POFUT3: variants seen among roughly 807,000 people sequenced by gnomAD.
The protein encoded by POFUT3 is GDP-fucose protein O-fucosyltransferase 3.
At chr8:33,441,622 C>A in the POFUT3 span, among the ~76,000 whole-genome samples, 2 of 152,220 alleles carry the variant, frequency 1.3e-5, no homozygotes, top group African/African-American at 4.8e-5. Flanking sequence ...CTCAACCGAT[C>A]TGCCCTCCTC....
chr8:33,421,104 AATT>A, the POFUT3 span, among the ~76,000 whole-genome samples: 2 of 152,038 alleles, frequency 1.3e-5, no homozygotes, highest in African/African-American at 4.8e-5. Context: ...ATTTTTATCA[AATT>A]ATTACTTTGA....
At chr8:33,440,025 C>T in the POFUT3 span, among the ~76,000 whole-genome samples, 1 of 151,972 alleles carries the variant, frequency 6.6e-6, no homozygotes, top group Admixed American at 6.6e-5. Context: ...GTCTCTGCCT[C>T]AAATGTTAGG....
At chr8:33,359,497 C>T in the POFUT3 span, among the ~76,000 whole-genome samples, 5 of 152,082 alleles carry the variant, frequency 3.3e-5, no homozygotes, top group Admixed American at 2.6e-4. Flanking sequence ...CCTTAAATCA[C>T]CATATGTAAA....
the POFUT3 span, among the ~76,000 whole-genome samples, chr8:33,331,548 G>C: frequency 6.6e-6 from 1 of 152,126 alleles, no homozygotes; most frequent in Non-Finnish European, 1.5e-5. Flanking sequence ...ATTACCGGGG[G>C]CAGTGGCTCA....
chr8:33,359,817 C>A, the POFUT3 span, among the ~76,000 whole-genome samples: 1 of 151,836 alleles, frequency 6.6e-6, no homozygotes, highest in Non-Finnish European at 1.5e-5. Context: ...ACCAGCCTGG[C>A]CAACATGGTG....
chr8:33,329,523 T>C, the POFUT3 span, among the ~76,000 whole-genome samples: 1 of 152,204 alleles, frequency 6.6e-6, no homozygotes, highest in Admixed American at 6.5e-5. Context: ...CCCATAACTA[T>C]TACCTCTATG....
the POFUT3 span, among the ~76,000 whole-genome samples, chr8:33,325,634 T>G: frequency 6.6e-6 from 1 of 152,166 alleles, no homozygotes; most frequent in Non-Finnish European, 1.5e-5. Context: ...GCAGATTCAG[T>G]CAATATCTAG....
At chr8:33,358,228 G>A in the POFUT3 span, among the ~76,000 whole-genome samples, 10 of 152,086 alleles carry the variant, frequency 6.6e-5, no homozygotes, top group African/African-American at 2.4e-4. Flanking sequence ...ACTCCAGCCT[G>A]GGCAACAGAG....
the POFUT3 span, among the ~76,000 whole-genome samples, chr8:33,413,312 G>A: frequency 6.6e-6 from 1 of 151,966 alleles, no homozygotes; most frequent in Non-Finnish European, 1.5e-5. Flanking sequence ...CTAACAAGAG[G>A]AAGAGACTAG....
At chr8:33,315,747 G>C in the POFUT3 span, among the ~76,000 whole-genome samples, 1 of 152,094 alleles carries the variant, frequency 6.6e-6, no homozygotes, top group Non-Finnish European at 1.5e-5. Context: ...CCTAGCATTT[G>C]AATAATAAGA....
the POFUT3 span, among the ~76,000 whole-genome samples, chr8:33,309,392 C>T: frequency 1.3e-4 from 16 of 126,810 alleles, no homozygotes; most frequent in African/African-American, 4.7e-4. Context: ...TCCCCTCGTG[C>T]GTCTTCCGCA....
At chr8:33,408,810 T>C in the POFUT3 span, among the ~76,000 whole-genome samples, 3 of 152,046 alleles carry the variant, frequency 2.0e-5, no homozygotes, top group Non-Finnish European at 4.4e-5. Flanking sequence ...GGGGTAAACT[T>C]ACAGAGGGGA....
the POFUT3 span, among the ~76,000 whole-genome samples, chr8:33,458,697 G>C: frequency 1.3e-5 from 2 of 151,840 alleles, no homozygotes; most frequent in African/African-American, 4.8e-5. Flanking sequence ...CCTGGCAAGA[G>C]AGCAAGACTC....
At chr8:33,395,320 G>A in the POFUT3 span, among the ~76,000 whole-genome samples, 1 of 152,132 alleles carries the variant, frequency 6.6e-6, no homozygotes, top group South Asian at 2.1e-4. Context: ...GAGGAGCAGA[G>A]CGGTGTGGCA....
chr8:33,418,804 T>G, the POFUT3 span, among the ~76,000 whole-genome samples: 1 of 152,180 alleles, frequency 6.6e-6, no homozygotes, highest in Non-Finnish European at 1.5e-5. Context: ...CTATTCATAA[T>G]AGCCAAGATA....
At chr8:33,322,350 C>T in the POFUT3 span, among the ~76,000 whole-genome samples, 1 of 152,020 alleles carries the variant, frequency 6.6e-6, no homozygotes, top group East Asian at 1.9e-4. Context: ...CATGATGCAC[C>T]AGCCTTGAGC....
At chr8:33,389,389 C>T in the POFUT3 span, 7 of 1,614,076 alleles carry the variant, frequency 4.3e-6, no homozygotes, top group African/African-American at 4.0e-5. Flanking sequence ...CATCGGCATC[C>T]ATAGAGGCTG....
chr8:33,427,994 G>A, the POFUT3 span, among the ~76,000 whole-genome samples: 16 of 152,056 alleles, frequency 1.1e-4, no homozygotes, highest in African/African-American at 1.9e-4. Context: ...ACATGGTGGC[G>A]CATGCCTGTA....
the POFUT3 span, among the ~76,000 whole-genome samples, chr8:33,367,345 C>T: frequency 6.6e-6 from 1 of 152,248 alleles, no homozygotes; most frequent in Non-Finnish European, 1.5e-5. Context: ...CATGCTCCTG[C>T]TGCAGTTAAC....
Sources: allele counts gnomAD v4.1 joint callset (sites outside exome capture counted in the v4.1 genomes callset), GRCh38; gene constraint gnomAD v4.1.1; transcripts MANE v1.5; gene names NCBI Gene and HGNC (gene_info 2026-07-23, HGNC 2026-07-21).